RAPGEF5: variants seen among roughly 807,000 people sequenced by gnomAD.
RAPGEF5 encodes Rap guanine nucleotide exchange factor 5, also known as M-Ras-regulated GEF.
Under a neutral mutation model 125.2 loss-of-function variants are expected in RAPGEF5, and 65 were observed. The observed-to-expected ratio is 0.52, with a 90% CI of 0.43 to 0.64. The LOEUF is 0.64. RAPGEF5 is among the 30% of genes least tolerant of loss of function. RAPGEF5 has a pLI of 0.00. For missense variants in RAPGEF5, 958 were observed against 1,048.1 expected (o/e 0.91, Z 1.19); for synonymous variants, 391 against 385.9 (o/e 1.01, Z -0.16).
chr7:22,166,451 A>G (rs142382712), intron 12 of RAPGEF5, among the ~76,000 whole-genome samples: 4 of 152,330 alleles, frequency 2.6e-5, no homozygotes, highest in East Asian at 3.9e-4. Flanking sequence ...TGGCATTTCA[A>G]TGATCCTATG....
chr7:22,244,193 C>T (rs577490323), intron 7 of RAPGEF5, among the ~76,000 whole-genome samples: 17 of 151,958 alleles, frequency 1.1e-4, no homozygotes, highest in Non-Finnish European at 2.1e-4. Context: ...TACACATATA[C>T]GTGTGTGTGT....
chr7:22,136,161 A>T, intron 22 of RAPGEF5, 36 bp from the exon 23 acceptor site: 2 of 1,462,060 alleles, frequency 1.4e-6, no homozygotes, highest in African/African-American at 2.8e-5. Flanking sequence ...AGAAAGAAAA[A>T]TCAATGTGCT....
chr7:22,267,143 C>CT, intron 6 of RAPGEF5, 131 bp from the exon 7 acceptor site: 1 of 838,336 alleles, frequency 1.2e-6, no homozygotes, highest in Non-Finnish European at 1.8e-6. Context: ...GCTGCCAGCA[C>CT]TTTTTTGATT....
chr7:22,298,113 G>A (rs571527131), intron 5 of RAPGEF5, among the ~76,000 whole-genome samples: 10 of 151,252 alleles, frequency 6.6e-5, no homozygotes, highest in Non-Finnish European at 1.2e-4. Flanking sequence ...TTTTCATAAC[G>A]TATTTATAAT....
intron 1 of RAPGEF5, among the ~76,000 whole-genome samples, chr7:22,352,171 A>C (rs1387562111): frequency 6.6e-6 from 1 of 152,240 alleles, no homozygotes; most frequent in East Asian, 1.9e-4. Context: ...GAGGCTGCAG[A>C]AAACATCACA....
chr7:22,226,633 A>G (rs1785925226), intron 8 of RAPGEF5, among the ~76,000 whole-genome samples: 1 of 152,190 alleles, frequency 6.6e-6, no homozygotes. Flanking sequence ...ACCTAATGGA[A>G]AGTGTGATAG....
At chr7:22,219,059 A>G (rs1785712638) in intron 9 of RAPGEF5, among the ~76,000 whole-genome samples, 1 of 152,214 alleles carries the variant, frequency 6.6e-6, no homozygotes, top group Admixed American at 6.5e-5. Context: ...CAAAATCTCA[A>G]GGAAAAATTA....
At chr7:22,246,939 AAAGAAGACACAC>A (rs1018248612) in intron 7 of RAPGEF5, among the ~76,000 whole-genome samples, 1 of 152,240 alleles carries the variant, frequency 6.6e-6, no homozygotes, top group Non-Finnish European at 1.5e-5. Context: ...ACACTTTTCA[AAAGAAGACACAC>A]AAGCAGCCAA....
intron 9 of RAPGEF5, among the ~76,000 whole-genome samples, chr7:22,197,349 C>G (rs748650941): frequency 6.6e-6 from 1 of 152,150 alleles, no homozygotes; most frequent in Non-Finnish European, 1.5e-5. Flanking sequence ...AGATGGCAAA[C>G]GTTGAAAATC....
chr7:22,226,934 T>G (rs990238208), intron 8 of RAPGEF5, among the ~76,000 whole-genome samples: 1 of 152,140 alleles, frequency 6.6e-6, no homozygotes, highest in Non-Finnish European at 1.5e-5. Context: ...TACATGAAAT[T>G]TATGCTGTTA....
At chr7:22,163,864 A>C (rs746077235) in intron 12 of RAPGEF5, among the ~76,000 whole-genome samples, 4 of 152,232 alleles carry the variant, frequency 2.6e-5, no homozygotes, top group Admixed American at 2.6e-4. Flanking sequence ...AATTGGAATA[A>C]ACTTTATTTC....
intron 8 of RAPGEF5, among the ~76,000 whole-genome samples, chr7:22,230,289 A>G (rs1786025449): frequency 6.6e-6 from 1 of 152,214 alleles, no homozygotes; most frequent in African/African-American, 2.4e-5. Context: ...CTTTATTGAA[A>G]AAGTTAATGT....
At chr7:22,244,012 T>C (rs1786406790) in intron 7 of RAPGEF5, among the ~76,000 whole-genome samples, 1 of 152,192 alleles carries the variant, frequency 6.6e-6, no homozygotes, top group South Asian at 2.1e-4. Flanking sequence ...AGTTCCACTT[T>C]CTAAGGTTCC....
chr7:22,164,089 T>C (rs1784088233), intron 12 of RAPGEF5, among the ~76,000 whole-genome samples: 1 of 152,108 alleles, frequency 6.6e-6, no homozygotes, highest in Non-Finnish European at 1.5e-5. Context: ...ATCCCAGCGC[T>C]TTGGGAGGCT....
chr7:22,314,803 A>G lies in RAPGEF5; in HGVS notation c.389+567T>C, dbSNP rs559847898. ...TGTTCCATAAAATGAAAACATGCAC[A>G]TCAAGTTTTCTAAGTGACCATGCCC... On this transcript the variant is annotated intron_variant, in intron 3 of 25. Coordinates refer to ENST00000665637, the MANE Select transcript of RAPGEF5 (RefSeq NM_012294.5). 35 of 230,288 alleles carry G rather than the reference A, an allele frequency of 1.5e-4. No individual in the cohort carries two copies. In the South Asian group the frequency reaches 4.9e-3, roughly 32 times the overall value. 14.3% of individuals were successfully genotyped at this position (230,288 alleles called of 1,614,324 possible).
chr7:22,305,660 T>C (rs79146156), intron 5 of RAPGEF5, among the ~76,000 whole-genome samples: 1,798 of 152,310 alleles, frequency 0.012, 41 homozygotes, highest in African/African-American at 0.04. Context: ...TCATTCTTTC[T>C]AACGTTTTTT....
chr7:22,154,102 T>C (rs1019087848), intron 17 of RAPGEF5, among the ~76,000 whole-genome samples: 12 of 152,000 alleles, frequency 7.9e-5, no homozygotes, highest in Non-Finnish European at 1.6e-4. Context: ...AAGGCCATCT[T>C]TCCTTTTTTT....
At chr7:22,157,773 T>C (rs2128110037) in intron 15 of RAPGEF5, 82 bp downstream of exon 15, 1 of 1,454,656 alleles carries the variant, frequency 6.9e-7, no homozygotes, top group Non-Finnish European at 9.6e-7. Context: ...GTATTCATTT[T>C]AATTATGAAA....
intron 1 of RAPGEF5, chr7:22,356,088 T>C (rs1027920868): frequency 1.0e-6 from 1 of 985,188 alleles, no homozygotes; most frequent in Non-Finnish European, 1.2e-6. Flanking sequence ...CAGGAGACAA[T>C]CAGCAGACCT....
Sources: allele counts gnomAD v4.1 joint callset (sites outside exome capture counted in the v4.1 genomes callset), GRCh38; gene constraint gnomAD v4.1.1; transcripts MANE v1.5; gene names NCBI Gene and HGNC (gene_info 2026-07-23, HGNC 2026-07-21).